Variants in EMSY observed in about 807,000 individuals in gnomAD.
The protein encoded by EMSY is BRCA2-interacting transcriptional repressor EMSY.
Under a neutral mutation model 134.6 loss-of-function variants are expected in EMSY, and 26 were observed. That is an observed-to-expected ratio of 0.19 (90% CI 0.14 to 0.27). The LOEUF is 0.27. Among genes scored for constraint, EMSY ranks in the 10% least tolerant of loss-of-function variants. The probability of loss-of-function intolerance (pLI) is 1.00; values close to 1 mark genes in which losing one functional copy is unlikely to be tolerated. For synonymous variants in EMSY, 579 were observed against 577.8 expected, an observed-to-expected ratio of 1.00 and a Z score of -0.03; for missense variants, 1,305 against 1,611.4, an observed-to-expected ratio of 0.81 and a Z score of 3.26.
exon 19 of EMSY, chr11:76,544,631 A>G: frequency 6.2e-7 from 1 of 1,614,114 alleles, no homozygotes; most frequent in Non-Finnish European, 8.5e-7. Flanking sequence ...CATGGTGGCC[A>G]AAGACAGGCA....
chr11:76,507,219 C>A (rs1419104178), intron 9 of EMSY, among the ~76,000 whole-genome samples: 1 of 152,104 alleles, frequency 6.6e-6, no homozygotes, highest in African/African-American at 2.4e-5. Flanking sequence ...AATCTTTTTG[C>A]TGGTGGAGGG....
At chr11:76,481,983 C>T (rs1046668226) in intron 8 of EMSY, among the ~76,000 whole-genome samples, 2 of 152,172 alleles carry the variant, frequency 1.3e-5, no homozygotes, top group Non-Finnish European at 2.9e-5. Flanking sequence ...TTGATAGACA[C>T]CTCATACAGG....
chr11:76,496,513 C>A, intron 9 of EMSY, 44 bp downstream of exon 10: 2 of 1,603,278 alleles, frequency 1.2e-6, no homozygotes, highest in Admixed American at 1.7e-5. Context: ...CTTCTTTATT[C>A]ACCAGTTTTT....
intron 9 of EMSY, among the ~76,000 whole-genome samples, chr11:76,506,721 G>A (rs1950092582): frequency 6.6e-6 from 1 of 152,170 alleles, no homozygotes; most frequent in South Asian, 2.1e-4. Context: ...ATACTGGTGG[G>A]AAGGGGGCAC....
intron 10 of EMSY, among the ~76,000 whole-genome samples, chr11:76,514,544 AC>A: frequency 6.6e-6 from 1 of 152,308 alleles, no homozygotes; most frequent in East Asian, 1.9e-4. Flanking sequence ...TGGGGATTGA[AC>A]CAGTTTGACT....
chr11:76,549,390 A>G (rs1036827912), intron 20 of EMSY, among the ~76,000 whole-genome samples: 1 of 152,192 alleles, frequency 6.6e-6, no homozygotes, highest in Non-Finnish European at 1.5e-5. Context: ...AAAGAGGAAA[A>G]AGAATCTGAC....
At chr11:76,522,028 AAAAT>A (rs1227721059) in intron 11 of EMSY, among the ~76,000 whole-genome samples, 2 of 152,150 alleles carry the variant, frequency 1.3e-5, no homozygotes, top group African/African-American at 2.4e-5. Context: ...TGCCTTAAAA[AAAAT>A]AAATAAATAA....
exon 8 of EMSY, chr11:76,472,567 A>G: frequency 6.2e-7 from 1 of 1,613,290 alleles, no homozygotes; most frequent in Non-Finnish European, 8.5e-7. Flanking sequence ...TCCTTAGGTT[A>G]TTATAGTCAC....
At chr11:76,472,673 C>T (rs1293197739) in exon 8 of EMSY, 1 of 1,614,214 alleles carries the variant, frequency 6.2e-7, no homozygotes, top group Admixed American at 1.7e-5. Flanking sequence ...GTCATTGCTT[C>T]TACAACCCAG....
At chr11:76,509,703 C>A (rs1950206609) in intron 9 of EMSY, among the ~76,000 whole-genome samples, 1 of 152,032 alleles carries the variant, frequency 6.6e-6, no homozygotes. Context: ...TTATGTTTTA[C>A]AAGTGTGTAA....
chr11:76,467,388 C>T (rs180738474), intron 7 of EMSY, among the ~76,000 whole-genome samples: 95 of 152,290 alleles, frequency 6.2e-4, no homozygotes, highest in African/African-American at 2.1e-3. Context: ...TAGCTAAAAG[C>T]GTACCTACCT....
chr11:76,485,664 C>G (rs1949148787), intron 8 of EMSY, among the ~76,000 whole-genome samples: 1 of 152,204 alleles, frequency 6.6e-6, no homozygotes, highest in African/African-American at 2.4e-5. Flanking sequence ...TCTCACCACT[C>G]CTATTCAACA....
intron 11 of EMSY, chr11:76,516,925 T>C (rs920016003): frequency 2.1e-4 from 32 of 152,178 alleles, no homozygotes; most frequent in African/African-American, 5.8e-4. Flanking sequence ...GCCTATTTAT[T>C]GGTATATTGA....
chr11:76,544,457 C>T lies in EMSY; in HGVS notation c.2908C>T (p.Gln970Ter), dbSNP rs2136756414. The change falls in exon 19 of 21, where the codon CAG (glutamine) becomes TAG (stop). Residue 970 changes from glutamine to a stop codon, truncating the protein, a stop_gained. Transcript: ENST00000334736. LOFTEE classifies it high-confidence loss of function. ...GACTCAGCTGCAAGTGAAAACTCTG[C>T]AGTGCTTCCAGACTAAACAGAAGCA... is the stretch of plus-strand genomic sequence containing the variant. 1 of 1,614,098 alleles carries T rather than the reference C, an allele frequency of 6.2e-7. No homozygotes were observed. The highest frequency in any genetic ancestry group is 8.5e-7 in the Non-Finnish European group (1 of 1,180,032).
chr11:76,512,068 T>C (rs1950297265), intron 9 of EMSY, among the ~76,000 whole-genome samples: 1 of 152,224 alleles, frequency 6.6e-6, no homozygotes, highest in Non-Finnish European at 1.5e-5. Flanking sequence ...TGCTTCCTAA[T>C]GTCTTAACCT....
intron 6 of EMSY, 30 bp downstream of exon 7, chr11:76,460,115 C>T (rs1948047949): frequency 6.2e-7 from 1 of 1,611,414 alleles, no homozygotes; most frequent in African/African-American, 1.3e-5. Context: ...TTATCAGGGC[C>T]TTCTTGGCTA....
At chr11:76,506,622 C>G (rs1303708476) in intron 9 of EMSY, among the ~76,000 whole-genome samples, 1 of 152,104 alleles carries the variant, frequency 6.6e-6, no homozygotes, top group Admixed American at 6.5e-5. Context: ...CAAACTCACT[C>G]TTAATAAGGG....
At chr11:76,460,172 T>A in intron 6 of EMSY, 87 bp downstream of exon 7, 3 of 1,461,506 alleles carry the variant, frequency 2.1e-6, no homozygotes, top group Non-Finnish European at 9.5e-7. Context: ...CTGGATTAAA[T>A]CATTGGTCCA....
At chr11:76,538,696 G>A (rs979953796) in intron 16 of EMSY, among the ~76,000 whole-genome samples, 1 of 152,158 alleles carries the variant, frequency 6.6e-6, no homozygotes, top group Non-Finnish European at 1.5e-5. Flanking sequence ...AGTGGCTCAC[G>A]CCTGTAATCC....
Sources: gnomAD v4.1 joint callset for allele counts (sites outside exome capture counted in the v4.1 genomes callset) on GRCh38, gnomAD v4.1.1 for gene constraint, MANE v1.5 for transcripts, NCBI Gene and HGNC (gene_info 2026-07-23, HGNC 2026-07-21) for gene names.